Variants in SLC67A2 observed in about 807,000 individuals in gnomAD.
The protein encoded by SLC67A2 is solute carrier family 67 member A2.
the SLC67A2 span, chr2:102,723,580 TG>T: frequency 2.0e-6 from 2 of 1,003,872 alleles, no homozygotes; most frequent in African/African-American, 1.6e-5. Flanking sequence ...AAATGACTTT[TG>T]TTTTTGGACG....
the SLC67A2 span, chr2:102,726,844 C>T: frequency 5.8e-6 from 9 of 1,550,274 alleles, 1 homozygote; most frequent in Admixed American, 1.9e-4. Context: ...AAGTCACTCA[C>T]CTGCCGGGAC....
chr2:102,716,400 T>C, the SLC67A2 span: 1 of 152,214 alleles, frequency 6.6e-6, no homozygotes, highest in African/African-American at 2.4e-5. Context: ...TTTATTGCCT[T>C]TTGAGTCTAA....
At chr2:102,719,121 C>T in the SLC67A2 span, 6 of 1,614,236 alleles carry the variant, frequency 3.7e-6, no homozygotes, top group South Asian at 6.6e-5. Context: ...TGGCTCCTTC[C>T]CAACAGCACA....
chr2:102,715,400 A>G, the SLC67A2 span, among the ~76,000 whole-genome samples: 1 of 152,126 alleles, frequency 6.6e-6, no homozygotes, highest in African/African-American at 2.4e-5. Context: ...TAGCCAGGAT[A>G]CAGAATCAGT....
At chr2:102,734,960 C>T in the SLC67A2 span, among the ~76,000 whole-genome samples, 4 of 152,192 alleles carry the variant, frequency 2.6e-5, no homozygotes, top group South Asian at 2.1e-4. Context: ...TCTGGACTTT[C>T]CAGGTAAGGG....
the SLC67A2 span, chr2:102,736,571 AG>A: frequency 3.1e-6 from 5 of 1,612,050 alleles, no homozygotes; most frequent in Admixed American, 8.4e-5. Context: ...GCTCCCCGGA[AG>A]CTCCAAGAAC....
the SLC67A2 span, chr2:102,717,954 G>A: frequency 1.3e-5 from 2 of 158,808 alleles, no homozygotes. Context: ...CCCTCCTAGT[G>A]TATGGAATTT....
At chr2:102,721,287 C>T in the SLC67A2 span, among the ~76,000 whole-genome samples, 2 of 152,176 alleles carry the variant, frequency 1.3e-5, no homozygotes, top group South Asian at 2.1e-4. Flanking sequence ...GTCACATCAA[C>T]GAGGCATGTG....
At chr2:102,726,727 G>C in the SLC67A2 span, 1 of 1,413,556 alleles carries the variant, frequency 7.1e-7, no homozygotes, top group Non-Finnish European at 9.5e-7. Flanking sequence ...CACTCTTTAA[G>C]CAAGTAAGGA....
chr2:102,728,342 A>G, the SLC67A2 span, among the ~76,000 whole-genome samples: 1 of 152,064 alleles, frequency 6.6e-6, no homozygotes, highest in Non-Finnish European at 1.5e-5. Context: ...GTGATGTTCC[A>G]CAACCATTCC....
At chr2:102,728,326 T>G in the SLC67A2 span, among the ~76,000 whole-genome samples, 3 of 152,084 alleles carry the variant, frequency 2.0e-5, no homozygotes, top group Admixed American at 1.3e-4. Context: ...CGTCCCTCCT[T>G]CCTCAGTGAT....
At chr2:102,722,834 T>C in the SLC67A2 span, among the ~76,000 whole-genome samples, 8 of 152,224 alleles carry the variant, frequency 5.3e-5, no homozygotes, top group East Asian at 1.2e-3. Flanking sequence ...AAAAGCAACC[T>C]GGAAACAATC....
the SLC67A2 span, among the ~76,000 whole-genome samples, chr2:102,724,109 C>T: frequency 1.3e-5 from 2 of 152,090 alleles, no homozygotes; most frequent in Non-Finnish European, 2.9e-5. Flanking sequence ...TCCATCCCAC[C>T]GTAATTAGAC....
the SLC67A2 span, chr2:102,719,176 T>A: frequency 5.0e-6 from 8 of 1,613,554 alleles, no homozygotes; most frequent in Non-Finnish European, 6.8e-6. Context: ...TGCCCGGTTT[T>A]GCTTCCCTCC....
chr2:102,724,733 C>T, the SLC67A2 span, among the ~76,000 whole-genome samples: 1 of 152,220 alleles, frequency 6.6e-6, no homozygotes, highest in Admixed American at 6.5e-5. Context: ...TCTCTGTGAT[C>T]TCCCGTGGGC....
chr2:102,736,701 G>C, the SLC67A2 span: 1 of 1,613,494 alleles, frequency 6.2e-7, no homozygotes, highest in Non-Finnish European at 8.5e-7. Context: ...GACGGCACCG[G>C]AGTCGGCAGC....
the SLC67A2 span, among the ~76,000 whole-genome samples, chr2:102,721,840 G>C: frequency 5.3e-5 from 8 of 152,114 alleles, no homozygotes; most frequent in Non-Finnish European, 1.0e-4. Flanking sequence ...GAGGATCTGG[G>C]ACTACAGGTA....
At chr2:102,718,344 A>G in the SLC67A2 span, 2 of 1,543,406 alleles carry the variant, frequency 1.3e-6, no homozygotes, top group South Asian at 2.4e-5. Context: ...CCCTTTCCAA[A>G]GTGCCCTTTT....
At chr2:102,734,635 T>C in the SLC67A2 span, among the ~76,000 whole-genome samples, 3 of 152,332 alleles carry the variant, frequency 2.0e-5, no homozygotes, top group African/African-American at 7.2e-5. Context: ...TAAAGCTTCA[T>C]ATATTTAATT....
Sources: gnomAD v4.1 joint callset for allele counts (sites outside exome capture counted in the v4.1 genomes callset) on GRCh38, gnomAD v4.1.1 for gene constraint, MANE v1.5 for transcripts, NCBI Gene and HGNC (gene_info 2026-07-23, HGNC 2026-07-21) for gene names.